CPD: variants seen among roughly 807,000 people sequenced by gnomAD.
CPD encodes carboxypeptidase D, also known as metallocarboxypeptidase D.
CPD carries 69 observed loss-of-function variants against 138.3 expected under a neutral mutation model. The ratio of observed to expected loss-of-function variants is 0.50; its 90% CI spans 0.41 to 0.61. The LOEUF is 0.61. CPD is among the 20% of genes least tolerant of loss of function. CPD has a pLI of 0.00. For missense variants in CPD, 1,432 were observed against 1,733.3 expected (o/e 0.83, Z 3.09); for synonymous variants, 651 against 642.1 (o/e 1.01, Z -0.21).
At chr17:30,382,641 A>G (rs1478747452) in intron 1 of CPD, among the ~76,000 whole-genome samples, 3 of 152,238 alleles carry the variant, frequency 2.0e-5, no homozygotes, top group Non-Finnish European at 2.9e-5. Flanking sequence ...TCATTGTTCA[A>G]AAGTATTTGA....
chr17:30,412,896 A>T (rs1055428092), intron 2 of CPD, among the ~76,000 whole-genome samples: 1 of 152,158 alleles, frequency 6.6e-6, no homozygotes, highest in Non-Finnish European at 1.5e-5. Flanking sequence ...CCACTGTCCA[A>T]CCAGTCCCAA....
At position 30,438,917 on chromosome 17, in the gene CPD, ATTTTTTTT is replaced by A. The variant is rs139485558; in HGVS notation, c.2128-56_2128-49del. The A allele has an allele frequency of 8.5e-5, 87 of 1,024,880 alleles. No homozygotes were observed. In the African/African-American group the frequency reaches 1.4e-3, roughly 16 times the overall value. The allele number at this position is 1,024,880 out of a possible 1,614,324, so 63.5% of individuals were successfully genotyped here. Reference sequence around the variant, plus strand: ...TATTATTTTCCTGTATCTTTCCAGTATTTTTTTTTGATGGAGATACAAACAAATAGAAG... The same window carrying A: ...TATTATTTTCCTGTATCTTTCCAGTATGATGGAGATACAAACAAATAGAAG... On this transcript the variant is annotated intron_variant, in intron 8 of 20. Coordinates refer to ENST00000225719, the MANE Select transcript of CPD (RefSeq NM_001304.5).
At chr17:30,438,815 C>A (rs937409461) in intron 8 of CPD, among the ~76,000 whole-genome samples, 160 bp from the exon 9 acceptor site, 1 of 152,092 alleles carries the variant, frequency 6.6e-6, no homozygotes, top group Non-Finnish European at 1.5e-5. Flanking sequence ...AAAAGCTATA[C>A]ACTGAAAAGT....
chr17:30,379,244 G>T lies in CPD; in HGVS notation c.264G>T (p.Ser88=), dbSNP rs755393062. Residue 88 remains serine, a synonymous_variant, in exon 1 of 21, where the codon TCG becomes TCT. Transcript: ENST00000225719. The surrounding 1 kb of genome is among the most constrained non-coding windows in gnomAD (Gnocchi z 7.0). The part of the protein sequence containing the change: ...GLARLFSIGR[S]VEGRPLWVLR... ...CCCGCCTCTTTAGCATCGGCCGCTC[G>T]GTGGAAGGCCGGCCGCTGTGGGTGC... 6.4e-5 allele frequency: 97 copies of T among 1,518,496 alleles called. No individual in the cohort carries two copies. The highest frequency in any genetic ancestry group is 8.2e-5 in the Non-Finnish European group (93 of 1,139,072). 94.1% of individuals were successfully genotyped at this position (1,518,496 alleles called of 1,614,324 possible). A position where few individuals can be genotyped will look rare whatever the true frequency, so the allele number is the denominator to read the frequency against.
intron 7 of CPD, among the ~76,000 whole-genome samples, chr17:30,430,508 C>T (rs1290269899): frequency 6.6e-6 from 1 of 152,178 alleles, no homozygotes; most frequent in Non-Finnish European, 1.5e-5. Flanking sequence ...ATTGTATATA[C>T]ATATGTATAT....
intron 2 of CPD, among the ~76,000 whole-genome samples, chr17:30,403,319 T>C (rs1222716277): frequency 6.6e-6 from 1 of 152,134 alleles, no homozygotes; most frequent in Non-Finnish European, 1.5e-5. Context: ...TAACCTGTTT[T>C]GTAGTTCAGT....
intron 2 of CPD, among the ~76,000 whole-genome samples, chr17:30,420,148 T>C (rs1912227526): frequency 6.6e-6 from 1 of 152,222 alleles, no homozygotes; most frequent in Non-Finnish European, 1.5e-5. Context: ...GGTATAAACA[T>C]GGTGAAGGTG....
chr17:30,426,923 G>A (rs977341005), intron 6 of CPD, among the ~76,000 whole-genome samples: 1 of 152,164 alleles, frequency 6.6e-6, no homozygotes, highest in Non-Finnish European at 1.5e-5. Context: ...GCTCACTCCT[G>A]TAATCCTAGC....
chr17:30,391,375 G>C (rs1015113027), intron 2 of CPD, among the ~76,000 whole-genome samples: 6 of 152,056 alleles, frequency 3.9e-5, no homozygotes, highest in African/African-American at 1.5e-4. Context: ...AGCCCAGCCT[G>C]GGCAAAATAA....
At position 30,462,410 on chromosome 17, in the gene CPD, T is replaced by G; in HGVS notation, c.3857T>G (p.Val1286Gly). Reference sequence around the variant, plus strand: ...GATGCAGCTAGTTCTGTGGTGATAGTCTTTGACACAGATAACCGGATATTT... The same window carrying G: ...GATGCAGCTAGTTCTGTGGTGATAGGCTTTGACACAGATAACCGGATATTT... ...HHDAASSVVI[V>G]FDTDNRIFGL... The change falls in exon 20 of 21, where the codon GTC becomes GGC. Residue 1286 changes from valine (V) to glycine (G), a missense_variant. Coordinates refer to ENST00000225719, the MANE Select transcript of CPD (RefSeq NM_001304.5). 6.2e-7 allele frequency: 1 copy of G among 1,613,988 alleles called. No individual in the cohort carries two copies. The highest frequency in any genetic ancestry group is 1.1e-5 in the South Asian group (1 of 91,082).
At position 30,456,329 on chromosome 17, in the gene CPD, G is replaced by A; in HGVS notation, c.3411G>A (p.Gln1137=). 1.2e-6 allele frequency: 2 copies of A among 1,614,150 alleles called. No homozygotes were observed. The highest frequency in any genetic ancestry group is 1.7e-6 in the Non-Finnish European group (2 of 1,179,990). ...ANNHPSMHMG[Q]PSCPNKSDEN... ...ATCATCCATCCATGCACATGGGTCA[G>A]CCCAGTTGCCCAAATAAATCAGGTA... is the stretch of plus-strand genomic sequence containing the variant. The change falls in exon 16 of 21, where the codon CAG becomes CAA. Residue 1137 remains glutamine, a synonymous_variant. Coordinates refer to ENST00000225719, the MANE Select transcript of CPD (RefSeq NM_001304.5).
intron 2 of CPD, among the ~76,000 whole-genome samples, chr17:30,412,523 G>A (rs935851299): frequency 2.0e-5 from 3 of 152,196 alleles, no homozygotes; most frequent in Admixed American, 6.5e-5. Flanking sequence ...CTGAGCTACG[G>A]TGGGCTCTGC....
intron 20 of CPD, among the ~76,000 whole-genome samples, chr17:30,463,751 C>G (rs1429697827): frequency 1.3e-5 from 2 of 152,166 alleles, no homozygotes; most frequent in African/African-American, 4.8e-5. Context: ...ATGGCCCAAT[C>G]ATAGATCCTG....
intron 2 of CPD, among the ~76,000 whole-genome samples, chr17:30,418,903 C>T (rs973018700): frequency 3.3e-5 from 5 of 152,128 alleles, no homozygotes; most frequent in Admixed American, 1.3e-4. Flanking sequence ...TTAGAGTTCA[C>T]GGAGTCCTGG....
At chr17:30,426,386 A>G (rs1912409159) in intron 6 of CPD, among the ~76,000 whole-genome samples, 1 of 152,160 alleles carries the variant, frequency 6.6e-6, no homozygotes. Flanking sequence ...AGGGTTTTTC[A>G]AAGATAGTTT....
chr17:30,467,967 A>G lies in CPD; in HGVS notation c.*3153A>G, dbSNP rs749145824. The G allele has an allele frequency of 5.3e-5, 8 of 152,126 alleles. No individual in the cohort carries two copies. The highest frequency in any genetic ancestry group is 1.2e-4 in the Non-Finnish European group (8 of 67,982). 9.4% of individuals were successfully genotyped at this position (152,126 alleles called of 1,614,324 possible). The stretch of plus-strand genomic sequence containing the variant: ...TATTGTTATTACCAAAAATTCCACT[A>G]TGATTGATGTTCAGTGATTTTCTAT... On this transcript the variant is annotated 3_prime_UTR_variant, in exon 21 of 21. Coordinates refer to ENST00000225719, the MANE Select transcript of CPD (RefSeq NM_001304.5).
At chr17:30,384,965 C>T (rs763636512) in intron 1 of CPD, 24 bp from the exon 2 acceptor site, 6 of 1,600,598 alleles carry the variant, frequency 3.7e-6, no homozygotes, top group South Asian at 3.3e-5. Context: ...TTTAGTGATA[C>T]GTGATTTGGT....
At chr17:30,380,495 G>C (rs1911010698) in intron 1 of CPD, 27 of 1,343,874 alleles carry the variant, frequency 2.0e-5, no homozygotes, top group Non-Finnish European at 2.6e-5. Flanking sequence ...CACCTTATTA[G>C]CCTGGGCAGA....
intron 8 of CPD, among the ~76,000 whole-genome samples, chr17:30,436,633 G>A (rs1327497183): frequency 6.6e-6 from 1 of 152,176 alleles, no homozygotes; most frequent in Non-Finnish European, 1.5e-5. Context: ...CATAGGCAAA[G>A]GTGGAAAAAT....
Sources: gnomAD v4.1 joint callset for allele counts (sites outside exome capture counted in the v4.1 genomes callset) on GRCh38, gnomAD v4.1.1 for gene constraint, Gnocchi (gnomAD v3.1) non-coding constraint, MANE v1.5 for transcripts, NCBI Gene and HGNC (gene_info 2026-07-23, HGNC 2026-07-21) for gene names.